Variants in SLC9D1 observed in about 807,000 individuals in gnomAD.
The protein encoded by SLC9D1 is solute carrier family 9 member D1.
At chr13:113,514,713 C>T in the SLC9D1 span, among the ~76,000 whole-genome samples, 3 of 151,840 alleles carry the variant, frequency 2.0e-5, no homozygotes, top group South Asian at 2.1e-4. Flanking sequence ...GCCATCCACA[C>T]GAGCTTGCTG....
the SLC9D1 span, among the ~76,000 whole-genome samples, chr13:113,518,938 GA>G: frequency 6.6e-6 from 1 of 152,090 alleles, no homozygotes; most frequent in Non-Finnish European, 1.5e-5. Context: ...TCTCTATCCA[GA>G]AAGAGATTTT....
At chr13:113,539,654 A>C in the SLC9D1 span, 1 of 861,130 alleles carries the variant, frequency 1.2e-6, no homozygotes, top group Non-Finnish European at 1.8e-6. The surrounding 1 kb of genome is among the most constrained non-coding windows in gnomAD (Gnocchi z 4.8). Context: ...TTGGATTGCT[A>C]GTAGCCAGAA....
At chr13:113,527,873 C>T in the SLC9D1 span, 1 of 152,218 alleles carries the variant, frequency 6.6e-6, no homozygotes, top group Non-Finnish European at 1.5e-5. Flanking sequence ...TGTGTTCAGG[C>T]AGATGAATTC....
At chr13:113,494,655 C>CATATAT in the SLC9D1 span, among the ~76,000 whole-genome samples, 39 of 150,416 alleles carry the variant, frequency 2.6e-4, no homozygotes, top group African/African-American at 9.3e-4. Flanking sequence ...GGTATTGTGG[C>CATATAT]ATATATATAT....
chr13:113,519,575 G>C, the SLC9D1 span, among the ~76,000 whole-genome samples: 1 of 152,172 alleles, frequency 6.6e-6, no homozygotes, highest in Non-Finnish European at 1.5e-5. Context: ...GGCTACTACT[G>C]TTCTGCCCTC....
At chr13:113,539,784 A>C in the SLC9D1 span, among the ~76,000 whole-genome samples, 1,069 of 152,178 alleles carry the variant, frequency 7.0e-3, 11 homozygotes, top group African/African-American at 0.025. The surrounding 1 kb of genome is among the most constrained non-coding windows in gnomAD (Gnocchi z 4.8). Flanking sequence ...AGTGAGTGTC[A>C]CAGGGCTTTG....
At chr13:113,542,713 A>G in the SLC9D1 span, among the ~76,000 whole-genome samples, 2 of 152,166 alleles carry the variant, frequency 1.3e-5, no homozygotes, top group African/African-American at 4.8e-5. Flanking sequence ...GTCGGGCCAC[A>G]TCCCTGGCAG....
chr13:113,537,841 C>T, the SLC9D1 span, among the ~76,000 whole-genome samples: 1 of 152,288 alleles, frequency 6.6e-6, no homozygotes, highest in African/African-American at 2.4e-5. Context: ...GTTGAAAAGA[C>T]CTCCTTCCCC....
At chr13:113,503,251 A>G in the SLC9D1 span, among the ~76,000 whole-genome samples, 1 of 152,198 alleles carries the variant, frequency 6.6e-6, no homozygotes, top group African/African-American at 2.4e-5. Flanking sequence ...CAGCTAAACC[A>G]TGGAAAATAA....
chr13:113,539,432 G>A, the SLC9D1 span: 175 of 1,613,498 alleles, frequency 1.1e-4, no homozygotes, highest in Admixed American at 1.8e-4. The surrounding 1 kb of genome is among the most constrained non-coding windows in gnomAD (Gnocchi z 4.8). Context: ...TCAGGGCCCC[G>A]TGGTCACCGA....
At chr13:113,518,878 T>C in the SLC9D1 span, among the ~76,000 whole-genome samples, 1 of 152,210 alleles carries the variant, frequency 6.6e-6, no homozygotes, top group Non-Finnish European at 1.5e-5. Flanking sequence ...TCACCAAAAA[T>C]TTAATTTTGT....
At chr13:113,503,385 A>ATGTGTGTT in the SLC9D1 span, 1 of 473,114 alleles carries the variant, frequency 2.1e-6, no homozygotes, top group Non-Finnish European at 3.8e-6. Flanking sequence ...GTGTGTGTGT[A>ATGTGTGTT]TGTGTGTTTT....
At chr13:113,529,567 T>G in the SLC9D1 span, 2 of 152,184 alleles carry the variant, frequency 1.3e-5, no homozygotes, top group Non-Finnish European at 2.9e-5. Flanking sequence ...GGAGAATCAC[T>G]TGAACCCAGG....
the SLC9D1 span, among the ~76,000 whole-genome samples, chr13:113,531,660 G>A: frequency 2.4e-3 from 357 of 151,234 alleles, 2 homozygotes; most frequent in Admixed American, 8.8e-3. Flanking sequence ...AGCAGCACGC[G>A]TGTGGACCTG....
the SLC9D1 span, chr13:113,533,941 ATTTAT>A: frequency 2.4e-6 from 2 of 830,804 alleles, no homozygotes; most frequent in South Asian, 3.4e-5. Flanking sequence ...GATTCAGGTA[ATTTAT>A]TTTGTAGCAT....
chr13:113,533,945 A>C, the SLC9D1 span: 1 of 865,278 alleles, frequency 1.2e-6, no homozygotes, highest in Non-Finnish European at 1.8e-6. Flanking sequence ...CAGGTAATTT[A>C]TTTTGTAGCA....
the SLC9D1 span, among the ~76,000 whole-genome samples, chr13:113,512,884 T>G: frequency 6.7e-6 from 1 of 148,554 alleles, no homozygotes. Context: ...ATGGAGAGGG[T>G]CAGTATATAT....
At chr13:113,548,892 C>T in the SLC9D1 span, among the ~76,000 whole-genome samples, 7 of 152,166 alleles carry the variant, frequency 4.6e-5, no homozygotes, top group East Asian at 1.2e-3. Flanking sequence ...AAGTGTGAGG[C>T]GGGTAGAAGT....
At chr13:113,547,331 C>T in the SLC9D1 span, 12 of 1,614,060 alleles carry the variant, frequency 7.4e-6, 1 homozygote, top group South Asian at 3.3e-5. Flanking sequence ...TTGTGGCGTA[C>T]GAGCTCACGG....
Sources: gnomAD v4.1 joint callset for allele counts (sites outside exome capture counted in the v4.1 genomes callset) on GRCh38, gnomAD v4.1.1 for gene constraint, Gnocchi (gnomAD v3.1) non-coding constraint, MANE v1.5 for transcripts, NCBI Gene and HGNC (gene_info 2026-07-23, HGNC 2026-07-21) for gene names.